DUSP14: variants seen among roughly 807,000 people sequenced by gnomAD.
The protein encoded by DUSP14 is dual specificity phosphatase 14.
A neutral mutation model predicts 13.2 loss-of-function variants in DUSP14; 5 were observed. The observed-to-expected ratio is 0.38, with a 90% CI of 0.20 to 0.80. The LOEUF (loss-of-function observed/expected upper bound fraction) is 0.80. Among genes scored for constraint, DUSP14 ranks in the 30% least tolerant of loss-of-function variants. The pLI is 0.44. For synonymous variants in DUSP14, 91 were observed against 103.4 expected (o/e 0.88, Z 0.73); for missense variants, 185 against 264.0 (o/e 0.70, Z 2.07).
At chr17:37,494,359 G>A (rs995991326) in intron 1 of DUSP14, among the ~76,000 whole-genome samples, 1 of 152,144 alleles carries the variant, frequency 6.6e-6, no homozygotes, top group Non-Finnish European at 1.5e-5. Context: ...GTAGCTTAGA[G>A]CAGAGTTTTT....
chr17:37,488,880 C>T (rs1411649749), upstream of DUSP14, among the ~76,000 whole-genome samples: 1 of 152,198 alleles, frequency 6.6e-6, no homozygotes, highest in Non-Finnish European at 1.5e-5. Flanking sequence ...CCCCTCCCCG[C>T]AAACCCATGC....
At chr17:37,507,394 G>A (rs139825382) in intron 1 of DUSP14, among the ~76,000 whole-genome samples, 2 of 152,198 alleles carry the variant, frequency 1.3e-5, no homozygotes, top group Non-Finnish European at 2.9e-5. Context: ...CGAGTTAACG[G>A]AATCAGCCCG....
At chr17:37,490,851 C>T (rs1643688964) in intron 1 of DUSP14, among the ~76,000 whole-genome samples, 1 of 151,960 alleles carries the variant, frequency 6.6e-6, no homozygotes, top group Non-Finnish European at 1.5e-5. Context: ...AAAACGGAGG[C>T]GAAGAGCAAA....
chr17:37,501,343 G>A (rs994915717), intron 1 of DUSP14, among the ~76,000 whole-genome samples: 1 of 152,182 alleles, frequency 6.6e-6, no homozygotes, highest in African/African-American at 2.4e-5. Context: ...TTGTTAACCT[G>A]CTGGAGCCGA....
rs533256343 is a variant in DUSP14 at position 37,511,585 on chromosome 17, C to CTTTTTTTTTTTTTTTTTT, written c.-92-595_-92-578dup. On this transcript the variant is annotated intron_variant, in intron 2 of 2. Transcript: ENST00000617516. ...CATGAGCTACCTCACCTGGCCTTTC[C>CTTTTTTTTTTTTTTTTTT]TTTTTTTTTTTTTTTTTTAGAAGCT... Among the ~76,000 whole-genome samples the CTTTTTTTTTTTTTTTTTT allele has an allele frequency of 2.6e-3, 227 of 87,300 alleles. 43 individuals are homozygous for CTTTTTTTTTTTTTTTTTT. Among genetic ancestry groups the CTTTTTTTTTTTTTTTTTT allele is most frequent in the African/African-American group, 0.011 (218 of 19,078 alleles). 57.3% of individuals were successfully genotyped at this position (87,300 alleles called of 152,430 possible). A position where few individuals can be genotyped will look rare whatever the true frequency, so the allele number is the denominator to read the frequency against.
At chr17:37,499,279 A>C (rs914239525) in intron 1 of DUSP14, among the ~76,000 whole-genome samples, 3 of 152,170 alleles carry the variant, frequency 2.0e-5, no homozygotes, top group Non-Finnish European at 4.4e-5. Flanking sequence ...TCAAGGTGAG[A>C]TTTGAGTGGG....
At position 37,513,197 on chromosome 17, in the gene DUSP14, G is replaced by A; in HGVS notation, c.*328G>A. ...TGCCTTTGGCACCTTGGTAGGTGCA[G>A]GAGGAGCTCAGTGCAAAAATCACTT... On this transcript the variant is annotated 3_prime_UTR_variant, in exon 3 of 3. Transcript: ENST00000617516. The A allele has an allele frequency of 3.3e-6, 1 of 301,212 alleles. No homozygotes were observed. The highest frequency in any genetic ancestry group is 6.5e-6 in the Non-Finnish European group (1 of 153,046). 18.7% of individuals were successfully genotyped at this position (301,212 alleles called of 1,614,324 possible).
intron 2 of DUSP14, among the ~76,000 whole-genome samples, chr17:37,511,929 C>CGG (rs985700129): frequency 1.8e-5 from 1 of 55,704 alleles, no homozygotes; most frequent in African/African-American, 6.1e-5. Context: ...CCACCCCCCC[C>CGG]CCACCCCACT....
intron 1 of DUSP14, among the ~76,000 whole-genome samples, chr17:37,506,305 A>C (rs911184939): frequency 2.0e-5 from 3 of 148,244 alleles, no homozygotes; most frequent in African/African-American, 7.5e-5. Context: ...AAACAAAAAA[A>C]CCCAAAAAAC....
chr17:37,509,131 A>ATATATATATATG lies in DUSP14; in HGVS notation c.-180-1546_-180-1545insTATATATATATG, dbSNP rs1568204446. Among the ~76,000 whole-genome samples, 11 of 26,536 alleles carry ATATATATATATG rather than the reference A, an allele frequency of 4.1e-4. 1 individual carries two copies. Among genetic ancestry groups the ATATATATATATG allele is most frequent in the African/African-American group, 2.0e-3 (10 of 4,938 alleles). 17.4% of individuals were successfully genotyped at this position (26,536 alleles called of 152,430 possible). A position where few individuals can be genotyped will look rare whatever the true frequency, so the allele number is the denominator to read the frequency against. ...TATATATATATATATATATATATAC[A>ATATATATATATG]CACACACACACACACACACACACAC... On this transcript the variant is annotated intron_variant, in intron 1 of 2. Transcript: ENST00000617516.
At chr17:37,496,038 A>T (rs1301154363) in intron 1 of DUSP14, among the ~76,000 whole-genome samples, 1 of 152,240 alleles carries the variant, frequency 6.6e-6, no homozygotes, top group African/African-American at 2.4e-5. Flanking sequence ...AAATTTGGAG[A>T]TTTATAATGA....
chr17:37,493,589 G>A (rs2054043518), intron 1 of DUSP14, among the ~76,000 whole-genome samples: 1 of 151,886 alleles, frequency 6.6e-6, no homozygotes, highest in Non-Finnish European at 1.5e-5. Context: ...TAGTTATATG[G>A]TTTGGACTAA....
intron 1 of DUSP14, among the ~76,000 whole-genome samples, chr17:37,500,766 G>A (rs561005639): frequency 6.6e-6 from 1 of 152,118 alleles, no homozygotes; most frequent in African/African-American, 2.4e-5. Context: ...TTTAAATACA[G>A]CTGTGGACTT....
At chr17:37,509,280 TA>T (rs2054165617) in intron 1 of DUSP14, among the ~76,000 whole-genome samples, 3 of 40,664 alleles carry the variant, frequency 7.4e-5, no homozygotes, top group African/African-American at 2.4e-4. Flanking sequence ...TATATATATA[TA>T]TATATATATA....
chr17:37,509,176 A>C (rs1331492493), intron 1 of DUSP14, among the ~76,000 whole-genome samples: 1 of 114,794 alleles, frequency 8.7e-6, no homozygotes, highest in East Asian at 2.8e-4. Flanking sequence ...CACTCTATAT[A>C]TATATGTACT....
At chr17:37,503,912 T>TCCC (rs2054120885) in intron 1 of DUSP14, among the ~76,000 whole-genome samples, 2 of 152,150 alleles carry the variant, frequency 1.3e-5, no homozygotes, top group Non-Finnish European at 2.9e-5. Context: ...GTGATGGGGC[T>TCCC]GGGCGTGGTG....
chr17:37,495,683 C>T (rs1387090933), intron 1 of DUSP14, among the ~76,000 whole-genome samples: 1 of 125,582 alleles, frequency 8.0e-6, no homozygotes, highest in South Asian at 2.9e-4. Context: ...TTTTTTGAGA[C>T]GGAGTCTTGC....
intron 1 of DUSP14, among the ~76,000 whole-genome samples, chr17:37,490,197 G>C (rs972277043): frequency 2.7e-5 from 4 of 149,666 alleles, no homozygotes; most frequent in Non-Finnish European, 6.0e-5. Context: ...CCGGCCCTGA[G>C]CGTGCGCCCC....
At chr17:37,501,806 C>T (rs760973326) in intron 1 of DUSP14, among the ~76,000 whole-genome samples, 8 of 152,114 alleles carry the variant, frequency 5.3e-5, no homozygotes, top group African/African-American at 7.2e-5. Context: ...CATGAGCCAC[C>T]GTGCCTGGCC....
Sources: gnomAD v4.1 joint callset for allele counts (sites outside exome capture counted in the v4.1 genomes callset) on GRCh38, gnomAD v4.1.1 for gene constraint, MANE v1.5 for transcripts, NCBI Gene and HGNC (gene_info 2026-07-23, HGNC 2026-07-21) for gene names.